Variants in ADGRL3 observed in about 807,000 individuals in gnomAD.
ADGRL3 encodes the protein calcium-independent alpha-latrotoxin receptor 3.
ADGRL3 carries 62 observed loss-of-function variants against 153.5 expected under a neutral mutation model. That is an observed-to-expected ratio of 0.40 (90% CI 0.33 to 0.50). ADGRL3 has a LOEUF of 0.50. Ranked by LOEUF, ADGRL3 falls within the 20% of genes least tolerant of loss-of-function variation. ADGRL3 has a pLI of 0.47. For synonymous variants in ADGRL3, 710 were observed against 672.5 expected (o/e 1.06, Z -0.86); for missense variants, 1,641 against 1,859.4 (o/e 0.88, Z 2.16).
chr4:61,918,269 A>G (rs2098753489), intron 13 of ADGRL3, among the ~76,000 whole-genome samples: 1 of 152,184 alleles, frequency 6.6e-6, no homozygotes, highest in Non-Finnish European at 1.5e-5. Flanking sequence ...GTTTGTTGAG[A>G]TGGTCTATTT....
intron 1 of ADGRL3, among the ~76,000 whole-genome samples, chr4:61,206,168 A>G (rs1304398726): frequency 6.6e-6 from 1 of 152,230 alleles, no homozygotes; most frequent in Non-Finnish European, 1.5e-5. Flanking sequence ...TGACACTTAA[A>G]ACAGGAACTT....
chr4:61,913,823 C>G (rs1421639028), intron 13 of ADGRL3, among the ~76,000 whole-genome samples: 1 of 152,040 alleles, frequency 6.6e-6, no homozygotes, highest in Non-Finnish European at 1.5e-5. Flanking sequence ...AGCCTTGGGG[C>G]AAACTTAGTC....
chr4:61,872,064 T>C (rs978627237), intron 9 of ADGRL3, among the ~76,000 whole-genome samples: 42 of 152,258 alleles, frequency 2.8e-4, no homozygotes, highest in African/African-American at 1.0e-3. Context: ...TTGCTTGCTA[T>C]AATTCTAGCT....
At chr4:61,367,078 A>G (rs746860433) in intron 1 of ADGRL3, among the ~76,000 whole-genome samples, 2 of 152,198 alleles carry the variant, frequency 1.3e-5, no homozygotes, top group East Asian at 3.8e-4. Context: ...TTTGTCATCC[A>G]TTTTAATAGA....
At chr4:61,419,410 A>G (rs2097177615) in intron 2 of ADGRL3, among the ~76,000 whole-genome samples, 1 of 150,832 alleles carries the variant, frequency 6.6e-6, no homozygotes. Context: ...GCCAGTGGCC[A>G]GAGCCAACCC....
chr4:61,786,876 A>G (rs1251366993), intron 8 of ADGRL3, among the ~76,000 whole-genome samples: 4 of 152,236 alleles, frequency 2.6e-5, no homozygotes, highest in East Asian at 1.9e-4. Flanking sequence ...TATAGTGGCA[A>G]TAAAAAAATA....
At chr4:61,526,264 TACTG>T (rs1396002567) in intron 4 of ADGRL3, among the ~76,000 whole-genome samples, 11 of 152,254 alleles carry the variant, frequency 7.2e-5, no homozygotes, top group Admixed American at 5.9e-4. Context: ...ACTGATAAAT[TACTG>T]ACTCAATGAC....
chr4:61,462,414 T>A (rs1396128353), intron 2 of ADGRL3, among the ~76,000 whole-genome samples: 1 of 152,120 alleles, frequency 6.6e-6, no homozygotes, highest in Non-Finnish European at 1.5e-5. Flanking sequence ...AGTCAGAGTT[T>A]GAGGAAAAGG....
intron 1 of ADGRL3, among the ~76,000 whole-genome samples, chr4:61,296,926 A>G (rs931642911): frequency 3.3e-5 from 5 of 152,202 alleles, no homozygotes; most frequent in African/African-American, 1.2e-4. Flanking sequence ...TTACTATGAT[A>G]TATTTGACAT....
At chr4:61,528,838 G>A (rs1238767488) in intron 4 of ADGRL3, among the ~76,000 whole-genome samples, 1 of 152,130 alleles carries the variant, frequency 6.6e-6, no homozygotes, top group Admixed American at 6.6e-5. Flanking sequence ...GACCAGATAT[G>A]CAAGGAAGCT....
intron 1 of ADGRL3, among the ~76,000 whole-genome samples, chr4:61,351,721 C>T (rs2096055396): frequency 6.6e-6 from 1 of 151,432 alleles, no homozygotes; most frequent in Non-Finnish European, 1.5e-5. Context: ...TATTTTAAGC[C>T]CACTGTTGAG....
chr4:61,358,081 G>C (rs2096211612), intron 1 of ADGRL3, among the ~76,000 whole-genome samples: 1 of 152,052 alleles, frequency 6.6e-6, no homozygotes, highest in African/African-American at 2.4e-5. Context: ...TCAGGCTTTA[G>C]TTCTTAACCA....
intron 2 of ADGRL3, among the ~76,000 whole-genome samples, chr4:61,411,689 TATTAA>T (rs1292687677): frequency 1.3e-5 from 2 of 152,320 alleles, no homozygotes; most frequent in East Asian, 3.9e-4. Flanking sequence ...CTCTTAACTT[TATTAA>T]ATTATGTTTT....
chr4:62,049,831 A>G (rs999837866), intron 25 of ADGRL3, among the ~76,000 whole-genome samples: 1 of 152,128 alleles, frequency 6.6e-6, no homozygotes, highest in African/African-American at 2.4e-5. Context: ...AAATTGCTTA[A>G]CTTCTCAGGG....
chr4:61,578,312 T>C (rs942891151), intron 4 of ADGRL3, among the ~76,000 whole-genome samples: 6 of 152,048 alleles, frequency 3.9e-5, no homozygotes, highest in African/African-American at 1.2e-4. Flanking sequence ...ACTGTTATCA[T>C]TGGGAATTTG....
chr4:61,795,308 G>T (rs1023341141), intron 8 of ADGRL3, among the ~76,000 whole-genome samples: 4 of 152,220 alleles, frequency 2.6e-5, no homozygotes, highest in African/African-American at 4.8e-5. Context: ...TTATTTTTGT[G>T]TGTAGAGGCA....
chr4:61,364,489 AT>A (rs890329097), intron 1 of ADGRL3, among the ~76,000 whole-genome samples: 2 of 151,028 alleles, frequency 1.3e-5, no homozygotes, highest in East Asian at 1.9e-4. Flanking sequence ...CACTGCTTTC[AT>A]TTTTTTTTAA....
At chr4:61,471,668 G>C (rs1221361818) in intron 2 of ADGRL3, among the ~76,000 whole-genome samples, 1 of 151,870 alleles carries the variant, frequency 6.6e-6, no homozygotes, top group African/African-American at 2.4e-5. Flanking sequence ...AAAATGATCT[G>C]GAGTGCCATA....
intron 4 of ADGRL3, among the ~76,000 whole-genome samples, chr4:61,525,747 G>A (rs1056071709): frequency 1.3e-5 from 2 of 152,074 alleles, no homozygotes; most frequent in Admixed American, 6.6e-5. Context: ...AGGTGAGGTC[G>A]AGGGAAGAAT....
Sources: gnomAD v4.1 joint callset for allele counts (sites outside exome capture counted in the v4.1 genomes callset) on GRCh38, gnomAD v4.1.1 for gene constraint, MANE v1.5 for transcripts, NCBI Gene and HGNC (gene_info 2026-07-23, HGNC 2026-07-21) for gene names.